Variants in RNF213 observed in about 807,000 individuals in gnomAD.
RNF213 encodes E3 ubiquitin-protein ligase RNF213.
In RNF213, 341 loss-of-function variants were observed where a neutral mutation model predicts 514.4. The ratio of observed to expected loss-of-function variants is 0.66; its 90% confidence interval spans 0.61 to 0.73. The LOEUF is 0.73. Among genes scored for constraint, RNF213 ranks in the 30% least tolerant of loss-of-function variants. The pLI is 0.00. For synonymous variants in RNF213, 2,655 were observed against 2,658.2 expected, an observed-to-expected ratio of 1.00 and a Z score of 0.04; for missense variants, 5,767 against 6,615.6, an observed-to-expected ratio of 0.87 and a Z score of 4.45.
At chr17:80,270,779 G>T (rs1567992578) in intron 2 of RNF213, among the ~76,000 whole-genome samples, 1 of 152,202 alleles carries the variant, frequency 6.6e-6, no homozygotes, top group Non-Finnish European at 1.5e-5. Flanking sequence ...CTCAGCAAGA[G>T]AAACGTGCTG....
At chr17:80,296,946 T>C (rs1481843299) in intron 10 of RNF213, among the ~76,000 whole-genome samples, 1 of 151,118 alleles carries the variant, frequency 6.6e-6, no homozygotes, top group Non-Finnish European at 1.5e-5. Context: ...CCCAAAGTGC[T>C]GGGATTATAG....
At chr17:80,295,501 A>C in intron 9 of RNF213, 56 bp from the exon 10 acceptor site, 1 of 1,608,958 alleles carries the variant, frequency 6.2e-7, no homozygotes, top group Non-Finnish European at 8.5e-7. Context: ...AGCTCTGGAC[A>C]CTGCCGGTGA....
intron 2 of RNF213, among the ~76,000 whole-genome samples, chr17:80,272,465 T>C (rs1378445086): frequency 6.6e-6 from 1 of 152,062 alleles, no homozygotes; most frequent in African/African-American, 2.4e-5. Flanking sequence ...TGATGGGACA[T>C]CTTGACTTCA....
chr17:80,369,209 G>A (rs2079407343), intron 44 of RNF213, among the ~76,000 whole-genome samples: 1 of 152,090 alleles, frequency 6.6e-6, no homozygotes. Flanking sequence ...AACCAGCCTG[G>A]CCAACACGGT....
At chr17:80,292,169 C>T (rs930574104) in intron 8 of RNF213, among the ~76,000 whole-genome samples, 1 of 152,186 alleles carries the variant, frequency 6.6e-6, no homozygotes, top group African/African-American at 2.4e-5. Flanking sequence ...ACTGCAACCT[C>T]CGCCTCCCAG....
intron 1 of RNF213, among the ~76,000 whole-genome samples, chr17:80,261,787 G>A (rs567864193): frequency 7.8e-4 from 119 of 152,184 alleles, no homozygotes; most frequent in Middle Eastern, 3.4e-3. Flanking sequence ...GGGAGGCCAA[G>A]GCGGGTGGGT....
Position 80,373,028 on chromosome 17 carries a change from C to T in RNF213, c.12805C>T (p.Arg4269Trp), listed in dbSNP as rs748631634. 9.9e-6 allele frequency: 16 copies of T among 1,613,848 alleles called. No homozygotes were observed. Among genetic ancestry groups the T allele is most frequent in the Admixed American group, 6.7e-5 (4 of 59,978 alleles). ...GCAGCAAGTCAAGCAGTTCTGTATC[C>T]GGGTGGAGAACGACTGGCACCGGGT... ...YLQQVKQFCI[R>W]VENDWHRVYL... is the part of the protein sequence containing the mutation. Residue 4269 changes from arginine (R) to tryptophan (W), a missense_variant, in exon 49 of 68, where the codon CGG (arginine) becomes TGG (tryptophan). Transcript: ENST00000582970.
intron 3 of RNF213, 99 bp downstream of exon 3, chr17:80,273,503 G>A (rs1352823338): frequency 4.7e-6 from 7 of 1,495,926 alleles, no homozygotes; most frequent in Non-Finnish European, 6.4e-6. Context: ...TGCCACCATG[G>A]CCCAGCCCAT....
At chr17:80,393,279 G>A (rs1490226432) in intron 67 of RNF213, 66 bp from the exon 68 acceptor site, 10 of 1,503,696 alleles carry the variant, frequency 6.7e-6, no homozygotes, top group Admixed American at 1.7e-5. Flanking sequence ...CACAGTGCTG[G>A]GCTTACACAC....
rs545957442 is a variant in RNF213 at position 80,376,316 on chromosome 17, A to G, written c.13201A>G (p.Ser4401Gly). ...HPTPEQCEAV[S>G]KFIGECKILS... ...TTCCTGTCAGCAATGTGAAGCTGTGAGCAAATTCATTGGCGAATGCAAGAT... is the reference window on the plus strand; with the variant it reads ...TTCCTGTCAGCAATGTGAAGCTGTGGGCAAATTCATTGGCGAATGCAAGAT... The change falls in exon 52 of 68, where the codon AGC becomes GGC. Residue 4401 changes from serine (S) to glycine (G), a missense_variant. Physicochemically the swap from Ser to Gly is moderately conservative, Grantham distance 56 (BLOSUM62 0). This residue lies in a region of RNF213 where 1,245 missense variants were observed against 1,339.0 expected (regional missense o/e 0.93). Coordinates refer to ENST00000582970, the MANE Select transcript of RNF213 (RefSeq NM_001256071.3). 2.2e-4 allele frequency: 350 copies of G among 1,614,174 alleles called. 2 individuals carry two copies. The South Asian group carries it at 3.6e-3, about 17-fold the overall frequency.
chr17:80,270,166 C>G (rs2043771771), intron 2 of RNF213, among the ~76,000 whole-genome samples: 2 of 152,366 alleles, frequency 1.3e-5, no homozygotes, highest in South Asian at 4.1e-4. Context: ...TGCCTTGCTA[C>G]TTTCATGTAC....
rs1343270518 is a variant in RNF213 at position 80,396,738 on chromosome 17, C to CA, written c.*3240_*3241insA. ...AGGAAAGTGCATTTCCCCCCCACCC[C>CA]CCCCCCCCAACCAGAGCAACTTTGG... is the stretch of plus-strand genomic sequence containing the variant. On this transcript the variant is annotated 3_prime_UTR_variant, in exon 68 of 68. Coordinates refer to ENST00000582970, the MANE Select transcript of RNF213 (RefSeq NM_001256071.3). 1.0e-5 allele frequency: 1 copy of CA among 97,124 alleles called. No homozygotes were observed. The highest frequency in any genetic ancestry group is 2.5e-5 in the Non-Finnish European group (1 of 40,664). 6.0% of individuals were successfully genotyped at this position (97,124 alleles called of 1,614,324 possible).
intron 23 of RNF213, 141 bp from the exon 24 acceptor site, chr17:80,337,444 TG>T: frequency 1.8e-6 from 2 of 1,088,400 alleles, no homozygotes; most frequent in African/African-American, 1.6e-5. Context: ...GGGCGCTGGG[TG>T]GGCGACTGCG....
At position 80,383,030 on chromosome 17, in the gene RNF213, G is replaced by T. The variant is rs61741961; in HGVS notation, c.14030G>T (p.Trp4677Leu). 28,431 of 1,613,708 alleles carry T rather than the reference G, an allele frequency of 0.018. 320 individuals are homozygous for T. Among genetic ancestry groups the T allele is most frequent in the Non-Finnish European group, 0.022 (25,380 of 1,179,642 alleles). ...ELSTKEMRNN[W>L]EKEIAAVISP... ...TCAACTAAAGAAATGAGGAACAACTGGGAAAAGGAAATCGCAGCTGTGATT... is the reference window on the plus strand; with the variant it reads ...TCAACTAAAGAAATGAGGAACAACTTGGAAAAGGAAATCGCAGCTGTGATT... The change falls in exon 58 of 68, where the codon TGG becomes TTG. Residue 4677 changes from tryptophan (W) to leucine (L), a missense_variant. Trp to Leu is a moderately conservative substitution (Grantham distance 61). Around this residue, in one of 13 missense-constraint regions of RNF213, gnomAD observed 1,245 missense variants for 1,339.0 expected, o/e 0.93. Coordinates refer to ENST00000582970, the MANE Select transcript of RNF213 (RefSeq NM_001256071.3).
At chr17:80,336,502 T>TTC in intron 23 of RNF213, 124 bp downstream of exon 23, 1 of 849,174 alleles carries the variant, frequency 1.2e-6, no homozygotes, top group African/African-American at 1.7e-5. Flanking sequence ...CCGTTTTCAA[T>TTC]GATATTTAAA....
At chr17:80,291,315 T>C (rs2044721421) in intron 7 of RNF213, among the ~76,000 whole-genome samples, 1 of 149,928 alleles carries the variant, frequency 6.7e-6, no homozygotes, top group Admixed American at 6.7e-5. Flanking sequence ...TAGGCTGGAG[T>C]GCAATCATGA....
chr17:80,364,034 G>C (rs570834855), intron 41 of RNF213, among the ~76,000 whole-genome samples: 2 of 152,216 alleles, frequency 1.3e-5, no homozygotes, highest in Non-Finnish European at 2.9e-5. Flanking sequence ...GCCGTAGAAA[G>C]GCAGACGGGC....
Position 80,363,803 on chromosome 17 carries a change from A to C in RNF213, c.11750+13A>C, listed in dbSNP as rs772445640. 6.2e-7 allele frequency: 1 copy of C among 1,611,630 alleles called. No homozygotes were observed. Among genetic ancestry groups the C allele is most frequent in the South Asian group, 1.1e-5 (1 of 90,890 alleles). On this transcript the variant is annotated intron_variant, in intron 41 of 67. Transcript: ENST00000582970. Reference sequence around the variant, plus strand: ...TCAGGGAAGTCAGGTGAGACCCAGGAGCCCTCACCCACTGCTTCATCTGGC... The same window carrying C: ...TCAGGGAAGTCAGGTGAGACCCAGGCGCCCTCACCCACTGCTTCATCTGGC...
Position 80,288,490 on chromosome 17 carries a change from G to A in RNF213, c.810+127G>A. The stretch of plus-strand genomic sequence containing the variant: ...GTCCTCTGGGCCCTGCTCCCTGGGT[G>A]GGAGTCGGAGGGCTGCCCCTCCACT... On this transcript the variant is annotated intron_variant, in intron 4 of 67. Coordinates refer to ENST00000582970, the MANE Select transcript of RNF213 (RefSeq NM_001256071.3). This position sits in a 1 kb window ranked among gnomAD's most constrained non-coding sequence, Gnocchi z 4.9. 1.3e-6 allele frequency: 2 copies of A among 1,592,600 alleles called. No individual in the cohort carries two copies. The highest frequency in any genetic ancestry group is 1.1e-5 in the South Asian group (1 of 90,344).
Sources: gnomAD v4.1 joint callset for allele counts (sites outside exome capture counted in the v4.1 genomes callset) on GRCh38, gnomAD v4.1.1 for gene constraint, gnomAD v4.1.1 regional missense constraint, Gnocchi (gnomAD v3.1) non-coding constraint, MANE v1.5 for transcripts, NCBI Gene and HGNC (gene_info 2026-07-23, HGNC 2026-07-21) for gene names.